DPF3: variants seen among roughly 807,000 people sequenced by gnomAD.
DPF3 encodes double PHD fingers 3, also known as zinc finger protein DPF3.
In DPF3, 18 loss-of-function variants were observed where a neutral mutation model predicts 56.8. The observed-to-expected ratio is 0.32, with a 90% CI of 0.22 to 0.47. The LOEUF is 0.47. Ranked by LOEUF, DPF3 falls within the 20% of genes least tolerant of loss-of-function variation. The pLI, the probability that DPF3 is intolerant of heterozygous loss-of-function variation, is 1.00. For synonymous variants in DPF3, 188 were observed against 180.2 expected, an observed-to-expected ratio of 1.04 and a Z score of -0.35; for missense variants, 403 against 488.8, an observed-to-expected ratio of 0.82 and a Z score of 1.65.
At chr14:72,728,932 G>A (rs1009826018) in intron 4 of DPF3, among the ~76,000 whole-genome samples, 3 of 152,090 alleles carry the variant, frequency 2.0e-5, no homozygotes, top group Non-Finnish European at 2.9e-5. Flanking sequence ...GATGAAGTAC[G>A]GCACGGTCAG....
chr14:72,708,295 T>C (rs766441560), intron 6 of DPF3, among the ~76,000 whole-genome samples: 3 of 152,192 alleles, frequency 2.0e-5, no homozygotes, highest in Non-Finnish European at 2.9e-5. Flanking sequence ...CATGACACAA[T>C]GGCATTTAAA....
At chr14:72,843,653 C>T (rs958811380) in intron 1 of DPF3, among the ~76,000 whole-genome samples, 3 of 152,244 alleles carry the variant, frequency 2.0e-5, no homozygotes, top group Non-Finnish European at 4.4e-5. Flanking sequence ...AGTGATTCTC[C>T]GGCCTCAGCC....
At chr14:72,697,282 C>T (rs1887944587) in intron 6 of DPF3, among the ~76,000 whole-genome samples, 1 of 152,192 alleles carries the variant, frequency 6.6e-6, no homozygotes, top group Non-Finnish European at 1.5e-5. Context: ...AAGCCCCAGA[C>T]CCCTCCATGG....
intron 8 of DPF3, among the ~76,000 whole-genome samples, chr14:72,639,125 T>C (rs1301007293): frequency 1.3e-5 from 2 of 152,170 alleles, no homozygotes; most frequent in African/African-American, 4.8e-5. Flanking sequence ...TTTAAATCAT[T>C]TTAGTCTAAT....
chr14:72,837,992 T>G (rs927657315), intron 1 of DPF3, among the ~76,000 whole-genome samples: 13 of 152,148 alleles, frequency 8.5e-5, no homozygotes, highest in African/African-American at 3.1e-4. Context: ...CCTCCTGGAA[T>G]CTGTGGCAGC....
intron 1 of DPF3, among the ~76,000 whole-genome samples, chr14:72,818,603 C>T (rs936364342): frequency 3.9e-5 from 6 of 152,120 alleles, no homozygotes; most frequent in African/African-American, 7.2e-5. Context: ...CTTGAGCCCA[C>T]GAGTTCGAGG....
At chr14:72,662,535 T>G in intron 8 of DPF3, 1 of 985,344 alleles carries the variant, frequency 1.0e-6, no homozygotes. Context: ...CCTGGGTACT[T>G]TCTCACAGAC....
chr14:72,826,053 G>A (rs574441628), intron 1 of DPF3, among the ~76,000 whole-genome samples: 27 of 152,214 alleles, frequency 1.8e-4, no homozygotes, highest in African/African-American at 5.1e-4. Flanking sequence ...TGATCTCGGC[G>A]GGCTCTTCCA....
intron 1 of DPF3, among the ~76,000 whole-genome samples, chr14:72,835,427 A>G (rs1040614309): frequency 3.3e-5 from 5 of 152,162 alleles, no homozygotes; most frequent in Non-Finnish European, 7.3e-5. Flanking sequence ...TGGCGGATGT[A>G]CTAACCACCA....
At chr14:72,787,760 T>C (rs886379706) in intron 1 of DPF3, among the ~76,000 whole-genome samples, 3 of 152,144 alleles carry the variant, frequency 2.0e-5, no homozygotes, top group African/African-American at 7.2e-5. Context: ...CGGACAGTAA[T>C]GGCAATACAT....
intron 1 of DPF3, among the ~76,000 whole-genome samples, chr14:72,797,358 A>G (rs377611020): frequency 6.6e-6 from 1 of 152,304 alleles, no homozygotes; most frequent in East Asian, 1.9e-4. Flanking sequence ...AGCAAAATAA[A>G]TGGTTGCTAT....
At chr14:72,874,864 C>A (rs1886048208) in intron 1 of DPF3, among the ~76,000 whole-genome samples, 1 of 152,194 alleles carries the variant, frequency 6.6e-6, no homozygotes, top group Non-Finnish European at 1.5e-5. Flanking sequence ...TCAGCAATGC[C>A]CCACTCTATT....
intron 1 of DPF3, among the ~76,000 whole-genome samples, chr14:72,837,585 A>C (rs1278026356): frequency 6.6e-6 from 1 of 152,036 alleles, no homozygotes; most frequent in Non-Finnish European, 1.5e-5. Context: ...TAAAAATACA[A>C]AAATTAGCTG....
At chr14:72,711,523 C>T (rs549224024) in intron 6 of DPF3, among the ~76,000 whole-genome samples, 3 of 152,150 alleles carry the variant, frequency 2.0e-5, no homozygotes, top group South Asian at 2.1e-4. Flanking sequence ...GAGATATGTC[C>T]GCTGCTCTTT....
At chr14:72,780,391 T>C (rs1891921919) in intron 1 of DPF3, among the ~76,000 whole-genome samples, 1 of 152,198 alleles carries the variant, frequency 6.6e-6, no homozygotes, top group Non-Finnish European at 1.5e-5. Flanking sequence ...GGAAGTATCT[T>C]AAAGACAGGA....
chr14:72,871,703 G>A lies in DPF3; in HGVS notation c.32+22354C>T, dbSNP rs148137664. On this transcript the variant is annotated intron_variant, in intron 1 of 10. Coordinates refer to ENST00000556509, the MANE Select transcript of DPF3 (RefSeq NM_001280542.3). ...AATCCCAGCACTTTGGGAGGGTGAG[G>A]CAGGCCCTACCTCCACTTTGCAGGG... Among the ~76,000 whole-genome samples, 308 of 152,296 alleles carry A rather than the reference G, an allele frequency of 2.0e-3. 3 individuals carry two copies. Among genetic ancestry groups the A allele is most frequent in the Non-Finnish European group, 3.5e-3 (240 of 68,034 alleles).
At chr14:72,884,140 G>C (rs186362415) in intron 1 of DPF3, among the ~76,000 whole-genome samples, 12 of 152,070 alleles carry the variant, frequency 7.9e-5, no homozygotes, top group Non-Finnish European at 1.6e-4. Context: ...TCTACCAACC[G>C]CGCTTCTGCT....
In DPF3 at chr14:72,861,802, A is replaced by AGAAAGAAAGAAAGAAG. The variant is rs1885449378; in HGVS notation, c.32+32254_32+32255insCTTCTTTCTTTCTTTC. Among the ~76,000 whole-genome samples the AGAAAGAAAGAAAGAAG allele has an allele frequency of 2.1e-5, 3 of 144,236 alleles. No homozygotes were observed. The East Asian group carries it at 5.9e-4, about 28-fold the overall frequency. The allele number at this position is 144,236 out of a possible 152,430, so 94.6% of individuals were successfully genotyped here. On this transcript the variant is annotated intron_variant, in intron 1 of 10. Transcript: ENST00000556509. Reference sequence around the variant, plus strand: ...AAGAAAGAAAGAAAGAAAGAAAGAAAGAAGGAAAGAATTTGGAAAAACAGC... The same window carrying AGAAAGAAAGAAAGAAG: ...AAGAAAGAAAGAAAGAAAGAAAGAAAGAAAGAAAGAAAGAAGGAAGGAAAGAATTTGGAAAAACAGC...
At chr14:72,630,138 G>C (rs1006465035) in intron 8 of DPF3, among the ~76,000 whole-genome samples, 5 of 152,140 alleles carry the variant, frequency 3.3e-5, no homozygotes, top group Non-Finnish European at 7.3e-5. Flanking sequence ...GAACTATTTG[G>C]AGCTGGGCCT....
Sources: allele counts gnomAD v4.1 joint callset (sites outside exome capture counted in the v4.1 genomes callset), GRCh38; gene constraint gnomAD v4.1.1; transcripts MANE v1.5; gene names NCBI Gene and HGNC (gene_info 2026-07-23, HGNC 2026-07-21).